HPGDS: variants seen among roughly 807,000 people sequenced by gnomAD.
The protein encoded by HPGDS is hematopoietic prostaglandin D synthase.
In HPGDS, 26 loss-of-function variants were observed where a neutral mutation model predicts 23.1. The observed-to-expected ratio is 1.13, with a 90% CI of 0.83 to 1.56. The LOEUF is 1.56. HPGDS is among the 40% of genes most tolerant of loss of function. The probability of loss-of-function intolerance (pLI) is 0.00; values close to 1 mark genes in which losing one functional copy is unlikely to be tolerated. For missense variants in HPGDS, 268 were observed against 236.4 expected (o/e 1.13, Z -0.88); for synonymous variants, 95 against 77.9 (o/e 1.22, Z -1.16).
At chr4:94,340,101 G>A (rs1293872187) in intron 1 of HPGDS, among the ~76,000 whole-genome samples, 1 of 151,612 alleles carries the variant, frequency 6.6e-6, no homozygotes, top group East Asian at 1.9e-4. Context: ...ATAGGTGTGC[G>A]CCACCACATA....
At chr4:94,299,691 C>G (rs952964212) in intron 5 of HPGDS, 47 bp from the exon 6 acceptor site, 1 of 1,517,970 alleles carries the variant, frequency 6.6e-7, no homozygotes, top group Admixed American at 2.0e-5. Flanking sequence ...GAAAGTGTAG[C>G]TGTATCAGCA....
At chr4:94,341,458 G>T (rs886132357) in intron 1 of HPGDS, among the ~76,000 whole-genome samples, 3 of 152,056 alleles carry the variant, frequency 2.0e-5, no homozygotes, top group African/African-American at 7.2e-5. Context: ...TCTTAATAAA[G>T]ACTTCAGCCG....
chr4:94,341,578 G>T (rs1721175765), intron 1 of HPGDS, among the ~76,000 whole-genome samples: 1 of 152,184 alleles, frequency 6.6e-6, no homozygotes, highest in Non-Finnish European at 1.5e-5. Context: ...CAAAATGTTA[G>T]CCAACGTAAG....
At chr4:94,340,303 TTC>T (rs1182416828) in intron 1 of HPGDS, among the ~76,000 whole-genome samples, 1,344 of 58,772 alleles carry the variant, frequency 0.023, 56 homozygotes, top group African/African-American at 0.059. Flanking sequence ...CTTTCTTTCT[TTC>T]TTTCTCTTTT....
chr4:94,302,364 G>T, intron 4 of HPGDS, 120 bp from the exon 5 acceptor site: 3 of 678,910 alleles, frequency 4.4e-6, no homozygotes, highest in African/African-American at 1.8e-5. Context: ...AAGAGAAGTA[G>T]CTAGATTTTT....
chr4:94,317,373 T>C (rs190849341), intron 3 of HPGDS, among the ~76,000 whole-genome samples: 1,737 of 152,214 alleles, frequency 0.011, 35 homozygotes, highest in African/African-American at 0.04. Context: ...AATGCAACAA[T>C]CCGGAAGCCA....
intron 3 of HPGDS, among the ~76,000 whole-genome samples, chr4:94,314,900 C>T (rs778095245): frequency 2.3e-4 from 35 of 152,220 alleles, no homozygotes; most frequent in African/African-American, 8.2e-4. Flanking sequence ...GCTGTGCTAG[C>T]AATGAGCAAG....
At chr4:94,314,652 A>G (rs1007433736) in intron 3 of HPGDS, among the ~76,000 whole-genome samples, 3 of 152,146 alleles carry the variant, frequency 2.0e-5, no homozygotes, top group African/African-American at 7.2e-5. Context: ...GTAAACCACT[A>G]TGGTCTCCCA....
chr4:94,315,526 T>A (rs945962079), intron 3 of HPGDS, among the ~76,000 whole-genome samples: 3 of 152,212 alleles, frequency 2.0e-5, no homozygotes, highest in Non-Finnish European at 1.5e-5. Flanking sequence ...TTATTTTTGG[T>A]AATAAATCAT....
intron 1 of HPGDS, among the ~76,000 whole-genome samples, chr4:94,340,538 C>A (rs13130013): frequency 1 from 138,996 of 139,062 alleles, 69,465 homozygotes; most frequent in Non-Finnish European, 1. Flanking sequence ...ATGGGGTTTC[C>A]CCGTGTTAGC....
At chr4:94,307,307 TA>T (rs762523386) in intron 4 of HPGDS, among the ~76,000 whole-genome samples, 3,412 of 110,392 alleles carry the variant, frequency 0.031, 59 homozygotes, top group African/African-American at 0.084. Context: ...CAGGAAAACA[TA>T]AAAAAAAAAA....
chr4:94,301,570 T>G (rs925127754), intron 5 of HPGDS, among the ~76,000 whole-genome samples: 2 of 152,202 alleles, frequency 1.3e-5, no homozygotes, highest in African/African-American at 4.8e-5. Context: ...AATGGATATT[T>G]ACTTGACCTT....
chr4:94,340,309 CTCTTTTTTTT>C lies in HPGDS; in HGVS notation c.-10+2476_-10+2485del, dbSNP rs1721123709. Among the ~76,000 whole-genome samples the C allele has an allele frequency of 1.3e-3, 37 of 28,762 alleles. 2 individuals are homozygous for C. Among genetic ancestry groups the C allele is most frequent in the African/African-American group, 3.8e-3 (31 of 8,252 alleles). The allele number at this position is 28,762 out of a possible 152,430, so 18.9% of individuals were successfully genotyped here. A position where few individuals can be genotyped will look rare whatever the true frequency, so the allele number is the denominator to read the frequency against. ...TCTTTCTTTCTTTCTTTCTTTCTTT[CTCTTTTTTTT>C]TTTTTTTTTTTTTTTTTTTTTTTTT... On this transcript the variant is annotated intron_variant, in intron 1 of 5. Coordinates refer to ENST00000295256, the MANE Select transcript of HPGDS (RefSeq NM_014485.3).
chr4:94,333,337 C>G (rs897048292), intron 2 of HPGDS, among the ~76,000 whole-genome samples: 1 of 152,188 alleles, frequency 6.6e-6, no homozygotes, highest in African/African-American at 2.4e-5. Flanking sequence ...TTGGGCTTAC[C>G]AAGTGACGTA....
chr4:94,313,230 C>T (rs1023539214), intron 3 of HPGDS, among the ~76,000 whole-genome samples: 2 of 152,126 alleles, frequency 1.3e-5, no homozygotes, highest in East Asian at 1.9e-4. Flanking sequence ...TTCTTCCTAG[C>T]TTGGGTGGTC....
rs916345817 is a variant in HPGDS, at chr4:94,299,268, T to C, written c.*212A>G. On this transcript the variant is annotated 3_prime_UTR_variant, in exon 6 of 6. Transcript: ENST00000295256. ...TGTATTACATACTATTTTTCTGTAA[T>C]TGTAAATGATGAGAAGCTATTCTGA... 6.3e-6 allele frequency: 3 copies of C among 479,118 alleles called. No individual in the cohort carries two copies. Among genetic ancestry groups the C allele is most frequent in the East Asian group, 6.3e-5 (2 of 31,616 alleles). The allele number at this position is 479,118 out of a possible 1,614,324, so 29.7% of individuals were successfully genotyped here.
At chr4:94,314,894 T>C (rs1756363558) in intron 3 of HPGDS, among the ~76,000 whole-genome samples, 2 of 152,210 alleles carry the variant, frequency 1.3e-5, no homozygotes, top group South Asian at 4.1e-4. Context: ...CAGACTGCTG[T>C]GCTAGCAATG....
chr4:94,323,065 G>A (rs531365309), intron 2 of HPGDS, among the ~76,000 whole-genome samples: 5 of 152,322 alleles, frequency 3.3e-5, no homozygotes, highest in African/African-American at 1.2e-4. Flanking sequence ...CCATGTATTT[G>A]TGTGGTTTTG....
chr4:94,326,278 G>T (rs1273482457), intron 2 of HPGDS, among the ~76,000 whole-genome samples: 2 of 152,112 alleles, frequency 1.3e-5, no homozygotes, highest in Non-Finnish European at 2.9e-5. Flanking sequence ...CTATCATTTT[G>T]TTAATTGGTT....
Sources: gnomAD v4.1 joint callset for allele counts (sites outside exome capture counted in the v4.1 genomes callset) on GRCh38, gnomAD v4.1.1 for gene constraint, MANE v1.5 for transcripts, NCBI Gene and HGNC (gene_info 2026-07-23, HGNC 2026-07-21) for gene names.